The following PPT2 variants were observed in gnomAD, a reference collection of about 807,000 sequenced individuals.
The protein encoded by PPT2 is palmitoyl-protein thioesterase 2.
Under a neutral mutation model 37.3 loss-of-function variants are expected in PPT2, and 20 were observed. The ratio of observed to expected loss-of-function variants is 0.54; its 90% CI spans 0.38 to 0.78. PPT2 has a LOEUF of 0.78. Ranked by LOEUF, PPT2 falls within the 30% of genes least tolerant of loss-of-function variation. The pLI is 0.00. For synonymous variants in PPT2, 135 were observed against 159.1 expected (o/e 0.85, Z 1.14); for missense variants, 270 against 389.8 (o/e 0.69, Z 2.59).
At chr6:32,159,348 G>C (rs934752426) in intron 7 of PPT2, among the ~76,000 whole-genome samples, 9 of 147,258 alleles carry the variant, frequency 6.1e-5, no homozygotes, top group Non-Finnish European at 1.2e-4. Flanking sequence ...CAGGAGAATC[G>C]CTTGAACCTG....
Position 32,156,500 on chromosome 6 carries a change from A to C in PPT2, c.541+522A>C, listed in dbSNP as rs1783816732. 6.6e-6 allele frequency among the ~76,000 whole-genome samples: 1 copy of C among 152,132 alleles called. No individual in the cohort carries two copies. The highest frequency in any genetic ancestry group is 2.1e-4 in the South Asian group (1 of 4,830). ...GTCTATAAAGGGCCAGAGAGTAAAT[A>C]TTTTTGACTTTGTAGGACATATAGT... On this transcript the variant is annotated intron_variant, in intron 5 of 8. Coordinates refer to ENST00000324816, the MANE Select transcript of PPT2 (RefSeq NM_005155.7). This position sits in a 1 kb window ranked among gnomAD's most constrained non-coding sequence, Gnocchi z 4.9.
At chr6:32,153,678 T>A, upstream of PPT2, 1 of 194,734 alleles carries the variant, frequency 5.1e-6, no homozygotes, top group Non-Finnish European at 1.0e-5. This position sits in a 1 kb window ranked among gnomAD's most constrained non-coding sequence, Gnocchi z 4.4. Flanking sequence ...TGGGGTGGGG[T>A]GGGTGTTGAG....
At chr6:32,158,037 TC>T (rs1390169506) in intron 7 of PPT2, 113 bp downstream of exon 7, 4 of 904,190 alleles carry the variant, frequency 4.4e-6, no homozygotes, top group Non-Finnish European at 6.7e-6. Flanking sequence ...TTAGTGCTCC[TC>T]CCCCCATTCA....
rs1490707797 is a variant in PPT2, at chr6:32,155,019, C to A, written c.184-11C>A. ...CCTATCCCCGGTGGCTGCATTGCCC[C>A]CTTCCCACAGACACACCCCGGGACT... On this transcript the variant is annotated splice_polypyrimidine_tract_variant and intron_variant, in intron 2 of 8. Coordinates refer to ENST00000324816, the MANE Select transcript of PPT2 (RefSeq NM_005155.7). This position sits in a 1 kb window ranked among gnomAD's most constrained non-coding sequence, Gnocchi z 4.3. 2 of 1,612,310 alleles carry A rather than the reference C, an allele frequency of 1.2e-6. No homozygotes were observed. Among genetic ancestry groups the A allele is most frequent in the Non-Finnish European group, 1.7e-6 (2 of 1,179,970 alleles).
rs1246097359 is a variant in PPT2 at position 32,155,918 on chromosome 6, C to T, written c.481C>T (p.Leu161Phe). ...GTTCCCCACCTCCATGCGGTCTAAC[C>T]TCTATCGGATCTGCTATAGCCCCTG... is the stretch of plus-strand genomic sequence containing the variant. Reference protein sequence around the residue: ...WLFPTSMRSNLYRICYSPWGQ... With the variant: ...WLFPTSMRSNFYRICYSPWGQ... Residue 161 changes from leucine (L) to phenylalanine (F), a missense_variant, in exon 5 of 9, where the codon CTC (leucine) becomes TTC (phenylalanine). Transcript: ENST00000324816. The surrounding 1 kb of genome is among the most constrained non-coding windows in gnomAD (Gnocchi z 4.3). 1 of 1,613,984 alleles carries T rather than the reference C, an allele frequency of 6.2e-7. No individual in the cohort carries two copies. Among genetic ancestry groups the T allele is most frequent in the East Asian group, 2.2e-5 (1 of 44,892 alleles).
In PPT2 at chr6:32,160,281, G is replaced by A. The variant is rs1010529251; in HGVS notation, c.711-2287G>A. On this transcript the variant is annotated intron_variant, in intron 7 of 8. Transcript: ENST00000324816. The stretch of plus-strand genomic sequence containing the variant: ...AGGATGGTTTCGATCTCCTGACCTC[G>A]TGATCCACCCGCCTCGGCCTCCCAA... Among the ~76,000 whole-genome samples the A allele has an allele frequency of 2.6e-5, 4 of 151,356 alleles. No homozygotes were observed. The East Asian group carries it at 5.9e-4, about 22-fold the overall frequency.
chr6:32,158,190 T>C, intron 7 of PPT2: 1 of 437,964 alleles, frequency 2.3e-6, no homozygotes. Context: ...TTGAAATTCT[T>C]ATAGATTCAT....
chr6:32,159,650 A>C (rs1490600412), intron 7 of PPT2, among the ~76,000 whole-genome samples: 1 of 151,472 alleles, frequency 6.6e-6, no homozygotes, highest in Non-Finnish European at 1.5e-5. Flanking sequence ...TTTCACATCT[A>C]CCACAACCCT....
chr6:32,163,417 ACTC>A lies in PPT2; in HGVS notation c.*470_*472del, dbSNP rs1056553722. ...AAGTCCCCTGACATCAGCCCTCCCAACTCCTAAGAGGGACTACCCATGAGAGTG... is the reference window on the plus strand; with the variant it reads ...AAGTCCCCTGACATCAGCCCTCCCAACTAAGAGGGACTACCCATGAGAGTG... On this transcript the variant is annotated 3_prime_UTR_variant, in exon 9 of 9. Coordinates refer to ENST00000324816, the MANE Select transcript of PPT2 (RefSeq NM_005155.7). 2 of 165,680 alleles carry A rather than the reference ACTC, an allele frequency of 1.2e-5. No individual in the cohort carries two copies. Among genetic ancestry groups the A allele is most frequent in the African/African-American group, 2.4e-5 (1 of 41,396 alleles). The allele number at this position is 165,680 out of a possible 1,614,324, so 10.3% of individuals were successfully genotyped here.
chr6:32,159,599 T>A (rs1413089710), intron 7 of PPT2, among the ~76,000 whole-genome samples: 1 of 151,316 alleles, frequency 6.6e-6, no homozygotes, highest in African/African-American at 2.4e-5. Flanking sequence ...AATATTGTAA[T>A]AATATAATAG....
At chr6:32,153,890 TG>T, upstream of PPT2, 3 of 1,251,804 alleles carry the variant, frequency 2.4e-6, no homozygotes, top group Non-Finnish European at 3.2e-6. The surrounding 1 kb of genome is among the most constrained non-coding windows in gnomAD (Gnocchi z 4.4). Flanking sequence ...TTTGGGTCGC[TG>T]GGGGCAACGA....
In PPT2 at chr6:32,163,100, CTT is replaced by C; in HGVS notation, c.*151_*152del. 3 of 918,268 alleles carry C rather than the reference CTT, an allele frequency of 3.3e-6. No homozygotes were observed. The highest frequency in any genetic ancestry group is 4.9e-6 in the Non-Finnish European group (3 of 616,770). The allele number at this position is 918,268 out of a possible 1,614,324, so 56.9% of individuals were successfully genotyped here. On this transcript the variant is annotated 3_prime_UTR_variant, in exon 9 of 9. Coordinates refer to ENST00000324816, the MANE Select transcript of PPT2 (RefSeq NM_005155.7). The stretch of plus-strand genomic sequence containing the variant: ...AGTAGAGACGGGGTTTTAGTAGAGA[CTT>C]GGCCTCCCAGAACCCCCTTCCTCTG...
chr6:32,153,992 T>A (rs1228467325), upstream of PPT2: 2 of 1,269,932 alleles, frequency 1.6e-6, no homozygotes, highest in Non-Finnish European at 2.0e-6. This position sits in a 1 kb window ranked among gnomAD's most constrained non-coding sequence, Gnocchi z 4.4. Context: ...GCCTGTTTCC[T>A]CCCCAGCACC....
At position 32,157,891 on chromosome 6, in the gene PPT2, CT is replaced by C. The variant is rs1340816990; in HGVS notation, c.678del (p.Asp227MetfsTer38). ...RVGHLVLIGG[P>X]DDGVITPWQS... ...GGCCACCTGGTGCTGATTGGGGGCCCTGATGATGGTGTTATTACTCCCTGGC... is the reference window on the plus strand; with the variant it reads ...GGCCACCTGGTGCTGATTGGGGGCCCGATGATGGTGTTATTACTCCCTGGC... On this transcript the variant is annotated frameshift_variant, in exon 7 of 9. Transcript: ENST00000324816. LOFTEE classifies it high-confidence loss of function. 7 of 1,612,714 alleles carry C rather than the reference CT, an allele frequency of 4.3e-6. No individual in the cohort carries two copies. Among genetic ancestry groups the C allele is most frequent in the Non-Finnish European group, 5.1e-6 (6 of 1,179,758 alleles).
chr6:32,154,181 C>T lies in PPT2; in HGVS notation c.-232C>T. The T allele has an allele frequency of 1.8e-6, 2 of 1,112,210 alleles. No individual in the cohort carries two copies. Among genetic ancestry groups the T allele is most frequent in the Non-Finnish European group, 2.2e-6 (2 of 910,084 alleles). The allele number at this position is 1,112,210 out of a possible 1,614,324, so 68.9% of individuals were successfully genotyped here. On this transcript the variant is annotated 5_prime_UTR_variant, in exon 1 of 9. Transcript: ENST00000324816. The surrounding 1 kb of genome is among the most constrained non-coding windows in gnomAD (Gnocchi z 7.3). ...TCTCTTTCCTCACCCTTCCCCCCGC[C>T]ACCGTGGGTTCCAGACTTGGGATAA...
At chr6:32,161,275 C>T (rs1039933960) in intron 7 of PPT2, among the ~76,000 whole-genome samples, 2 of 151,952 alleles carry the variant, frequency 1.3e-5, no homozygotes, top group African/African-American at 4.8e-5. Flanking sequence ...CTTGTTACGT[C>T]TCTTTAGTAT....
rs370603240 is a variant in PPT2, at chr6:32,159,848, G to A, written c.710+1924G>A. On this transcript the variant is annotated intron_variant, in intron 7 of 8. Transcript: ENST00000324816. Reference sequence around the variant, plus strand: ...GCCATTCTCCTGCCTCACCTCCCAAGTGGCTGGGACTACAGGTGCCCACCA... The same window carrying A: ...GCCATTCTCCTGCCTCACCTCCCAAATGGCTGGGACTACAGGTGCCCACCA... Among the ~76,000 whole-genome samples, 31 of 150,314 alleles carry A rather than the reference G, an allele frequency of 2.1e-4. No homozygotes were observed. The East Asian group carries it at 3.0e-3, about 14-fold the overall frequency.
chr6:32,154,708 G>A lies in PPT2; in HGVS notation c.114G>A (p.Pro38=), dbSNP rs778252168. ...APAPHRASYK[P]VIVVHGLFDS... is the part of the protein sequence containing the mutation. ...CGCCCCACCGCGCGTCCTACAAGCC[G>A]GTCATCGTGGTGCATGGGCTCTTCG... Residue 38 remains proline (P), a synonymous_variant, in exon 2 of 9, where the codon CCG becomes CCA. Coordinates refer to ENST00000324816, the MANE Select transcript of PPT2 (RefSeq NM_005155.7). The surrounding 1 kb of genome is among the most constrained non-coding windows in gnomAD (Gnocchi z 7.3). 57 of 1,613,054 alleles carry A rather than the reference G, an allele frequency of 3.5e-5. No homozygotes were observed. The Admixed American group carries it at 3.7e-4, about 10-fold the overall frequency.
Position 32,154,858 on chromosome 6 carries a change from C to A in PPT2, c.183+81C>A. 1.3e-6 allele frequency: 2 copies of A among 1,534,848 alleles called. No individual in the cohort carries two copies. The highest frequency in any genetic ancestry group is 1.8e-6 in the Non-Finnish European group (2 of 1,131,932). On this transcript the variant is annotated intron_variant, in intron 2 of 8. Transcript: ENST00000324816. This position sits in a 1 kb window ranked among gnomAD's most constrained non-coding sequence, Gnocchi z 7.3. ...AGGGAGAGCGGGGAACTGAAAGCCA[C>A]CCCTCTGGGCCTGCCCAGTTCCTCA...
Sources: gnomAD v4.1 joint callset for allele counts (sites outside exome capture counted in the v4.1 genomes callset) on GRCh38, gnomAD v4.1.1 for gene constraint, Gnocchi (gnomAD v3.1) non-coding constraint, MANE v1.5 for transcripts, NCBI Gene and HGNC (gene_info 2026-07-23, HGNC 2026-07-21) for gene names.